TOM1: variants seen among roughly 807,000 people sequenced by gnomAD.
TOM1 encodes target of myb1 membrane trafficking protein.
Under a neutral mutation model 61.3 loss-of-function variants are expected in TOM1, and 38 were observed. The observed-to-expected ratio is 0.62, with a 90% CI of 0.48 to 0.81. The LOEUF (loss-of-function observed/expected upper bound fraction) is 0.81, where lower values mean the gene tolerates loss of function less well. TOM1 is among the 40% of genes least tolerant of loss of function. TOM1 has a pLI of 0.00. For synonymous variants in TOM1, 270 were observed against 268.8 expected (o/e 1.00, Z -0.04); for missense variants, 591 against 659.6 (o/e 0.90, Z 1.14).
chr22:35,334,736 G>A (rs1415554989), intron 11 of TOM1, among the ~76,000 whole-genome samples: 2 of 152,176 alleles, frequency 1.3e-5, no homozygotes, highest in African/African-American at 2.4e-5. Context: ...GCACAGAGAG[G>A]GGCAGGCTCA....
Position 35,347,090 on chromosome 22 carries a change from G to T in TOM1, c.1360G>T (p.Ala454Ser), listed in dbSNP as rs200205732. The T allele has an allele frequency of 6.2e-7, 1 of 1,610,338 alleles. No homozygotes were observed. Among genetic ancestry groups the T allele is most frequent in the Non-Finnish European group, 8.5e-7 (1 of 1,178,002 alleles). ...ATTCCTGGAAGAACGGGCCAAAGCC[G>T]CGGACCGATTGCCCAACCTCTCCAG... is the stretch of plus-strand genomic sequence containing the variant. ...DKFLEERAKA[A>S]DRLPNLSSPS... Residue 454 changes from alanine (A) to serine (S), a missense_variant, in exon 15 of 15, where the codon GCG becomes TCG. By Grantham distance (99) the Ala-to-Ser change is moderately conservative. Coordinates refer to ENST00000449058, the MANE Select transcript of TOM1 (RefSeq NM_005488.3).
In TOM1 at chr22:35,347,049, C is replaced by T; in HGVS notation, c.1325-6C>T. Reference sequence around the variant, plus strand: ...GGCCTACCCTCACCCTCTCCCCTTCCTCTAGAATTTGACAAATTCCTGGAA... The same window carrying T: ...GGCCTACCCTCACCCTCTCCCCTTCTTCTAGAATTTGACAAATTCCTGGAA... On this transcript the variant is annotated splice_polypyrimidine_tract_variant and splice_region_variant and intron_variant, in intron 14 of 14. Transcript: ENST00000449058. The T allele has an allele frequency of 6.2e-7, 1 of 1,611,814 alleles. No individual in the cohort carries two copies.
chr22:35,312,702 T>C (rs1001050944), intron 1 of TOM1, among the ~76,000 whole-genome samples: 1 of 152,156 alleles, frequency 6.6e-6, no homozygotes, highest in Non-Finnish European at 1.5e-5. Flanking sequence ...CAGATGAGCA[T>C]GTGAACTGGA....
At chr22:35,329,295 T>C (rs1215472358) in intron 7 of TOM1, among the ~76,000 whole-genome samples, 1 of 152,194 alleles carries the variant, frequency 6.6e-6, no homozygotes, top group Admixed American at 6.5e-5. Flanking sequence ...TGACACCTAG[T>C]GGTTAAAAGT....
chr22:35,331,219 C>G, intron 8 of TOM1: 1 of 410,040 alleles, frequency 2.4e-6, no homozygotes, highest in South Asian at 1.8e-5. Context: ...CCTCAGCCTG[C>G]CAGGTAGCCG....
chr22:35,299,705 G>C, upstream of TOM1: 1 of 581,990 alleles, frequency 1.7e-6, no homozygotes, highest in Non-Finnish European at 3.0e-6. Flanking sequence ...CCTACATCGT[G>C]TGTGACGCCC....
At chr22:35,312,693 A>G (rs749473852) in intron 1 of TOM1, among the ~76,000 whole-genome samples, 3 of 152,216 alleles carry the variant, frequency 2.0e-5, no homozygotes, top group African/African-American at 7.2e-5. Context: ...GCTGAGTGCC[A>G]GATGAGCATG....
chr22:35,342,855 C>T (rs1485251942), intron 12 of TOM1, among the ~76,000 whole-genome samples: 1 of 148,576 alleles, frequency 6.7e-6, no homozygotes, highest in Non-Finnish European at 1.5e-5. Context: ...CACCTACACA[C>T]TCATGCACCT....
chr22:35,304,703 C>T (rs946165741), intron 1 of TOM1, among the ~76,000 whole-genome samples: 4 of 152,240 alleles, frequency 2.6e-5, no homozygotes, highest in Non-Finnish European at 5.9e-5. Flanking sequence ...TGGTCTCGAT[C>T]TCCTGACCTC....
chr22:35,333,609 C>A, intron 10 of TOM1, 112 bp downstream of exon 10: 1 of 954,236 alleles, frequency 1.0e-6, no homozygotes, highest in South Asian at 1.5e-5. Context: ...TCAGTCTGGA[C>A]CCCACCTTGC....
chr22:35,343,950 C>T (rs118041376), intron 12 of TOM1, among the ~76,000 whole-genome samples: 2,391 of 150,764 alleles, frequency 0.016, 18 homozygotes, highest in Non-Finnish European at 0.02. Context: ...CCTACACACA[C>T]CACATACATC....
chr22:35,320,586 C>T (rs550619742), intron 2 of TOM1, among the ~76,000 whole-genome samples: 13 of 152,108 alleles, frequency 8.5e-5, no homozygotes, highest in Non-Finnish European at 1.3e-4. Context: ...ACTGCTCTGC[C>T]CCCACTCCCC....
chr22:35,324,289 C>T (rs1157074382), intron 6 of TOM1, among the ~76,000 whole-genome samples: 1 of 152,016 alleles, frequency 6.6e-6, no homozygotes, highest in African/African-American at 2.4e-5. Flanking sequence ...ACACTCACAG[C>T]TTTCATTTGA....
chr22:35,320,601 G>C (rs4511), intron 2 of TOM1, among the ~76,000 whole-genome samples: 100,729 of 151,742 alleles, frequency 0.66, 36,206 homozygotes, highest in Non-Finnish European at 0.81. Context: ...CTCCCCCCAG[G>C]TGGTCCTTCC....
rs1408642779 is a variant in TOM1 at position 35,347,099 on chromosome 22, T to C, written c.1369T>C (p.Leu457=). The part of the protein sequence containing the change: ...LEERAKAADR[L]PNLSSPSAEG... ...AGAACGGGCCAAAGCCGCGGACCGA[T>C]TGCCCAACCTCTCCAGCCCCTCAGC... is the stretch of plus-strand genomic sequence containing the variant. Residue 457 remains leucine (L), a synonymous_variant, in exon 15 of 15, where the codon TTG becomes CTG. Coordinates refer to ENST00000449058, the MANE Select transcript of TOM1 (RefSeq NM_005488.3). 9 of 1,613,250 alleles carry C rather than the reference T, an allele frequency of 5.6e-6. No individual in the cohort carries two copies. Among genetic ancestry groups the C allele is most frequent in the South Asian group, 2.2e-5 (2 of 91,058 alleles).
chr22:35,318,035 A>G (rs1569024161), intron 2 of TOM1, 74 bp downstream of exon 2: 4 of 1,340,948 alleles, frequency 3.0e-6, no homozygotes, highest in Non-Finnish European at 1.1e-6. Flanking sequence ...GCACCCTTCC[A>G]GGGAGCCCCT....
chr22:35,331,536 A>G (rs897825576), intron 8 of TOM1: 3 of 323,454 alleles, frequency 9.3e-6, no homozygotes, highest in Non-Finnish European at 1.8e-5. Flanking sequence ...CACCGGGATG[A>G]TGTGAAATGG....
chr22:35,337,223 C>G (rs577356764), intron 11 of TOM1, among the ~76,000 whole-genome samples: 31 of 152,328 alleles, frequency 2.0e-4, no homozygotes, highest in Non-Finnish European at 3.5e-4. Context: ...GCCACTGCAC[C>G]TGGCCCAGAT....
intron 1 of TOM1, among the ~76,000 whole-genome samples, chr22:35,309,165 C>G (rs1462572521): frequency 6.6e-6 from 1 of 152,160 alleles, no homozygotes; most frequent in African/African-American, 2.4e-5. Flanking sequence ...TGTATACACT[C>G]CTCCTCACAC....
Sources: gnomAD v4.1 joint callset for allele counts (sites outside exome capture counted in the v4.1 genomes callset) on GRCh38, gnomAD v4.1.1 for gene constraint, MANE v1.5 for transcripts, NCBI Gene and HGNC (gene_info 2026-07-23, HGNC 2026-07-21) for gene names.